The following CDADC1 variants were observed in gnomAD, a reference collection of about 807,000 sequenced individuals.
CDADC1 encodes dCTP deaminase.
Under a neutral mutation model 54.9 loss-of-function variants are expected in CDADC1, and 39 were observed. The ratio of observed to expected loss-of-function variants is 0.71; its 90% CI spans 0.55 to 0.93. The LOEUF (loss-of-function observed/expected upper bound fraction) is 0.93, where lower values mean the gene tolerates loss of function less well. Ranked by LOEUF, CDADC1 falls within the 40% of genes least tolerant of loss-of-function variation. CDADC1 has a pLI of 0.00. For synonymous variants in CDADC1, 186 were observed against 204.0 expected, an observed-to-expected ratio of 0.91 and a Z score of 0.75; for missense variants, 518 against 618.8, an observed-to-expected ratio of 0.84 and a Z score of 1.73.
In CDADC1 at chr13:49,267,986, T is replaced by G; in HGVS notation, c.927T>G (p.Ile309Met). The change falls in exon 5 of 10, where the codon ATT becomes ATG. Residue 309 changes from isoleucine to methionine, a missense_variant. Ile to Met is a conservative substitution (Grantham distance 10). Transcript: ENST00000251108. ...YRSNPEQINE[I>M]HNQSLPQEIA... ...GCAATCCAGAACAGATTAATGAAAT[T>G]CACAATCAAAGTTTGCCACAGGAAA... 1 of 1,614,062 alleles carries G rather than the reference T, an allele frequency of 6.2e-7. No homozygotes were observed. The highest frequency in any genetic ancestry group is 8.5e-7 in the Non-Finnish European group (1 of 1,180,010).
intron 5 of CDADC1, among the ~76,000 whole-genome samples, chr13:49,272,616 G>A (rs547059839): frequency 6.6e-6 from 1 of 151,896 alleles, no homozygotes; most frequent in South Asian, 2.1e-4. Context: ...GAACATAAGA[G>A]GCATTCAATA....
In CDADC1 at chr13:49,293,169, CT is replaced by C. The variant is rs1439870518; in HGVS notation, c.*1415del. 6.5e-6 allele frequency: 1 copy of C among 152,898 alleles called. No individual in the cohort carries two copies. The highest frequency in any genetic ancestry group is 2.4e-5 in the African/African-American group (1 of 41,470). 9.5% of individuals were successfully genotyped at this position (152,898 alleles called of 1,614,324 possible). ...CTGAGATTGCTTACCTCCCAAATTG[CT>C]TTATTGTATTAACTCTCATGCTTCA... is the stretch of plus-strand genomic sequence containing the variant. On this transcript the variant is annotated 3_prime_UTR_variant, in exon 10 of 10. Transcript: ENST00000251108.
intron 5 of CDADC1, 85 bp downstream of exon 5, chr13:49,268,144 A>G (rs1952870289): frequency 1.9e-6 from 2 of 1,073,646 alleles, no homozygotes; most frequent in Admixed American, 2.1e-5. Context: ...GGTAGAGTTC[A>G]TTTACTCATA....
At chr13:49,260,190 A>G (rs367713525) in intron 4 of CDADC1, among the ~76,000 whole-genome samples, 1 of 152,208 alleles carries the variant, frequency 6.6e-6, no homozygotes, top group Non-Finnish European at 1.5e-5. Flanking sequence ...GGTCTCATTC[A>G]TGTCTACTAA....
intron 8 of CDADC1, among the ~76,000 whole-genome samples, chr13:49,284,763 C>A (rs1953456623): frequency 6.6e-6 from 1 of 152,154 alleles, no homozygotes; most frequent in Admixed American, 6.5e-5. Flanking sequence ...TATCTCATCC[C>A]CCCTCAAGGC....
intron 9 of CDADC1, among the ~76,000 whole-genome samples, chr13:49,289,455 C>A (rs1593861819): frequency 6.6e-6 from 1 of 151,988 alleles, no homozygotes; most frequent in Admixed American, 6.6e-5. Context: ...TAAGCGTATG[C>A]CCTAGAGAAA....
rs1468536589 is a variant in CDADC1, at chr13:49,274,036, C to G, written c.1001-255C>G. On this transcript the variant is annotated intron_variant, in intron 5 of 9. Transcript: ENST00000251108. The stretch of plus-strand genomic sequence containing the variant: ...TTGAGGGACCTGACTGTGGACACTG[C>G]CATTTAGTGGCCTCCACATACGTAT... Among the ~76,000 whole-genome samples the G allele has an allele frequency of 3.3e-5, 5 of 152,102 alleles. No homozygotes were observed. The East Asian group carries it at 9.6e-4, about 29-fold the overall frequency.
At chr13:49,272,436 G>A (rs1034333423) in intron 5 of CDADC1, among the ~76,000 whole-genome samples, 1 of 152,092 alleles carries the variant, frequency 6.6e-6, no homozygotes, top group Non-Finnish European at 1.5e-5. Context: ...GTAGAAGGAA[G>A]TCATCTCGTG....
chr13:49,291,332 TA>T (rs202063755), intron 9 of CDADC1, among the ~76,000 whole-genome samples: 317 of 105,446 alleles, frequency 3.0e-3, no homozygotes, highest in African/African-American at 8.6e-3. Flanking sequence ...AACACCTGTT[TA>T]AAAAAAAAAA....
At chr13:49,251,136 G>A (rs1331994474) in intron 2 of CDADC1, among the ~76,000 whole-genome samples, 1 of 152,134 alleles carries the variant, frequency 6.6e-6, no homozygotes, top group South Asian at 2.1e-4. Flanking sequence ...TAGGCCGGGT[G>A]CAGTGGCTCA....
At chr13:49,252,345 C>T (rs1952454780) in intron 2 of CDADC1, among the ~76,000 whole-genome samples, 1 of 152,180 alleles carries the variant, frequency 6.6e-6, no homozygotes, top group Non-Finnish European at 1.5e-5. Context: ...TGGCAGTGAT[C>T]TGGGTGAAAG....
rs1328361148 is a variant in CDADC1, at chr13:49,275,046, ATAGGACCAG to A, written c.1050+707_1050+715del. ...TAATTTCTTCAGACAGAGCAAGTCA[ATAGGACCAG>A]GAGGATAACATGAATATTCTTGGTG... On this transcript the variant is annotated intron_variant, in intron 6 of 9. Coordinates refer to ENST00000251108, the MANE Select transcript of CDADC1 (RefSeq NM_030911.4). 2.6e-5 allele frequency among the ~76,000 whole-genome samples: 4 copies of A among 152,152 alleles called. 1 individual carries two copies. The East Asian group carries it at 5.8e-4, about 22-fold the overall frequency.
chr13:49,268,062 G>A lies in CDADC1; in HGVS notation c.1000+3G>A. The stretch of plus-strand genomic sequence containing the variant: ...CAGGTTATTGGCATATCGAACTGGT[G>A]AGTTACATAGATCGTAAATTGGGGC... On this transcript the variant is annotated splice_donor_region_variant and intron_variant, in intron 5 of 9. Transcript: ENST00000251108. 6.3e-7 allele frequency: 1 copy of A among 1,598,432 alleles called. No homozygotes were observed. Among genetic ancestry groups the A allele is most frequent in the South Asian group, 1.1e-5 (1 of 90,152 alleles).
At chr13:49,257,760 A>C (rs766781418) in intron 3 of CDADC1, among the ~76,000 whole-genome samples, 1 of 151,984 alleles carries the variant, frequency 6.6e-6, no homozygotes, top group Non-Finnish European at 1.5e-5. Flanking sequence ...AGACTGTCTC[A>C]AATCAATCAA....
At chr13:49,268,579 T>C (rs1952883329) in intron 5 of CDADC1, among the ~76,000 whole-genome samples, 1 of 152,080 alleles carries the variant, frequency 6.6e-6, no homozygotes, top group Admixed American at 6.6e-5. Flanking sequence ...GCAGGAAGAT[T>C]GCTTGAGCCC....
chr13:49,273,113 T>G (rs1419918352), intron 5 of CDADC1, among the ~76,000 whole-genome samples: 2 of 152,248 alleles, frequency 1.3e-5, no homozygotes, highest in Non-Finnish European at 2.9e-5. Flanking sequence ...ATGGGAAATT[T>G]TATTAGAGTA....
chr13:49,255,476 T>A (rs1952522013), intron 2 of CDADC1, among the ~76,000 whole-genome samples: 1 of 152,230 alleles, frequency 6.6e-6, no homozygotes, highest in Non-Finnish European at 1.5e-5. Context: ...GTTCCTTATC[T>A]TCTCAATTCC....
intron 5 of CDADC1, among the ~76,000 whole-genome samples, chr13:49,274,017 G>C (rs771927883): frequency 6.6e-6 from 1 of 152,130 alleles, no homozygotes; most frequent in African/African-American, 2.4e-5. Flanking sequence ...AGCTTTGAGG[G>C]ACCTGACTGT....
chr13:49,285,597 T>G (rs573727402), intron 8 of CDADC1, among the ~76,000 whole-genome samples: 58 of 152,304 alleles, frequency 3.8e-4, no homozygotes, highest in Admixed American at 3.8e-3. Flanking sequence ...TGGGTTCTAA[T>G]TCTATTGCCT....
Sources: allele counts gnomAD v4.1 joint callset (sites outside exome capture counted in the v4.1 genomes callset), GRCh38; gene constraint gnomAD v4.1.1; transcripts MANE v1.5; gene names NCBI Gene and HGNC (gene_info 2026-07-23, HGNC 2026-07-21).